Variants in CDH18 observed in about 807,000 individuals in gnomAD.
CDH18 encodes cadherin-18.
In CDH18, 31 loss-of-function variants were observed where a neutral mutation model predicts 67.9. The observed-to-expected ratio is 0.46, with a 90% CI of 0.34 to 0.62. The LOEUF is 0.62. CDH18 is among the 20% of genes least tolerant of loss of function. The pLI, the probability that CDH18 is intolerant of heterozygous loss-of-function variation, is 0.01. For synonymous variants in CDH18, 362 were observed against 347.2 expected (o/e 1.04, Z -0.48); for missense variants, 890 against 975.5 (o/e 0.91, Z 1.17).
chr5:19,971,772 T>C (rs1219740555), intron 2 of CDH18, among the ~76,000 whole-genome samples: 1 of 151,448 alleles, frequency 6.6e-6, no homozygotes, highest in African/African-American at 2.4e-5. Context: ...GGTGATGAAA[T>C]AATTGGTACA....
chr5:19,788,815 G>A (rs1415415359), intron 3 of CDH18, among the ~76,000 whole-genome samples: 1 of 152,158 alleles, frequency 6.6e-6, no homozygotes, highest in East Asian at 1.9e-4. Context: ...GTTGTTAAAG[G>A]AGGTTTGAAC....
chr5:20,323,250 A>G (rs1477756968), intron 1 of CDH18, among the ~76,000 whole-genome samples: 1 of 152,168 alleles, frequency 6.6e-6, no homozygotes, highest in African/African-American at 2.4e-5. Context: ...TAAGTACATT[A>G]TACTAATATT....
intron 2 of CDH18, among the ~76,000 whole-genome samples, chr5:20,203,560 G>T (rs981677154): frequency 2.0e-4 from 29 of 142,270 alleles, no homozygotes; most frequent in African/African-American, 7.8e-4. Flanking sequence ...CAAAAAGGAG[G>T]CAGTGACCTA....
At chr5:20,130,750 C>T (rs1481880901) in intron 2 of CDH18, among the ~76,000 whole-genome samples, 1 of 151,946 alleles carries the variant, frequency 6.6e-6, no homozygotes, top group East Asian at 1.9e-4. Flanking sequence ...ACCTCAATTT[C>T]TTCCTTTTAA....
At chr5:20,259,188 A>G (rs1009574978) in intron 1 of CDH18, among the ~76,000 whole-genome samples, 1 of 152,150 alleles carries the variant, frequency 6.6e-6, no homozygotes, top group African/African-American at 2.4e-5. Context: ...TGGATTTTGA[A>G]GATGCTCAGG....
chr5:20,558,985 GAACA>G (rs1477396905), intron 1 of CDH18, among the ~76,000 whole-genome samples: 1 of 150,998 alleles, frequency 6.6e-6, no homozygotes, highest in Non-Finnish European at 1.5e-5. Flanking sequence ...TGCAGGCACT[GAACA>G]AACACTTGTT....
chr5:20,395,755 T>A (rs1745228476), intron 1 of CDH18, among the ~76,000 whole-genome samples: 1 of 152,140 alleles, frequency 6.6e-6, no homozygotes, highest in African/African-American at 2.4e-5. Flanking sequence ...TGTGAGCTGC[T>A]TGCCAGGGAA....
intron 2 of CDH18, among the ~76,000 whole-genome samples, chr5:20,119,812 C>T (rs1469788059): frequency 2.0e-5 from 3 of 151,968 alleles, no homozygotes; most frequent in Non-Finnish European, 2.9e-5. Context: ...GGAAAAACAT[C>T]TAGTGAGATT....
chr5:19,706,576 C>A (rs1198369066), intron 5 of CDH18, among the ~76,000 whole-genome samples: 1 of 152,144 alleles, frequency 6.6e-6, no homozygotes, highest in East Asian at 1.9e-4. Context: ...TGTGTGGACA[C>A]CTTTTCTCAC....
chr5:19,473,246 C>CTAT lies in CDH18; in HGVS notation c.2350_2352dup (p.Ile784dup), dbSNP rs1251498378. 6.2e-7 allele frequency: 1 copy of CTAT among 1,613,296 alleles called. No homozygotes were observed. Among genetic ancestry groups the CTAT allele is most frequent in the East Asian group, 2.2e-5 (1 of 44,856 alleles). ...ACCCCCTAAGTTGTTCTTTCAGATT[C>CTAT]TATTTCTCCATAGAGTTCAGCTAAC... On this transcript the variant is annotated inframe_insertion, in exon 13 of 13. Coordinates refer to ENST00000382275, the MANE Select transcript of CDH18 (RefSeq NM_004934.5).
intron 2 of CDH18, among the ~76,000 whole-genome samples, chr5:19,898,656 TAAG>T (rs1376515391): frequency 1.3e-5 from 2 of 152,138 alleles, no homozygotes; most frequent in African/African-American, 2.4e-5. Flanking sequence ...ATGTGGAAAA[TAAG>T]AAATCATTAC....
chr5:19,742,723 A>T (rs1262350211), intron 4 of CDH18, among the ~76,000 whole-genome samples: 3 of 151,372 alleles, frequency 2.0e-5, no homozygotes, highest in African/African-American at 7.4e-5. Context: ...CTCAGCACAT[A>T]AAGTGCATTT....
chr5:20,400,715 T>C (rs1197994179), intron 1 of CDH18, among the ~76,000 whole-genome samples: 1 of 152,030 alleles, frequency 6.6e-6, no homozygotes, highest in African/African-American at 2.4e-5. Flanking sequence ...TGAACAGAGA[T>C]GGTGCCACTG....
At chr5:20,011,225 A>G (rs1369480368) in intron 2 of CDH18, among the ~76,000 whole-genome samples, 1 of 152,100 alleles carries the variant, frequency 6.6e-6, no homozygotes, top group Admixed American at 6.6e-5. Context: ...GCAATTGTGA[A>G]TGGGAATTCA....
intron 1 of CDH18, among the ~76,000 whole-genome samples, chr5:20,514,239 TTC>T (rs1755222786): frequency 6.6e-6 from 1 of 152,158 alleles, no homozygotes; most frequent in African/African-American, 2.4e-5. Flanking sequence ...ACCAATGTAT[TTC>T]TTTCTCTAAA....
chr5:20,543,960 T>C (rs1260266368), intron 1 of CDH18, among the ~76,000 whole-genome samples: 1 of 152,176 alleles, frequency 6.6e-6, no homozygotes, highest in Non-Finnish European at 1.5e-5. Flanking sequence ...TTTCTGTAAA[T>C]CTTCAAGGAA....
intron 1 of CDH18, among the ~76,000 whole-genome samples, chr5:20,282,476 T>A (rs1250728828): frequency 6.6e-6 from 1 of 152,204 alleles, no homozygotes; most frequent in Non-Finnish European, 1.5e-5. Context: ...GATAATCATA[T>A]GGTTTTTCTC....
Position 20,172,230 on chromosome 5 carries a change from A to ATATATACG in CDH18, c.-518+83213_-518+83214insCGTATATA, listed in dbSNP as rs1554098797. Among the ~76,000 whole-genome samples the ATATATACG allele has an allele frequency of 1.1e-3, 109 of 96,652 alleles. 6 individuals carry two copies. Among genetic ancestry groups the ATATATACG allele is most frequent in the East Asian group, 5.0e-3 (18 of 3,620 alleles). 63.4% of individuals were successfully genotyped at this position (96,652 alleles called of 152,430 possible). ...TATATATATATATATATATGTATAT[A>ATATATACG]TATATATATGTATATATATATATAT... On this transcript the variant is annotated intron_variant, in intron 2 of 14. Coordinates refer to the CDH18 transcript ENST00000507958.
chr5:19,691,519 G>A (rs566170354), intron 5 of CDH18, among the ~76,000 whole-genome samples: 9 of 151,706 alleles, frequency 5.9e-5, no homozygotes, highest in African/African-American at 1.7e-4. Context: ...AAACACTTAG[G>A]CCAGATTAAA....
Sources: allele counts gnomAD v4.1 joint callset (sites outside exome capture counted in the v4.1 genomes callset), GRCh38; gene constraint gnomAD v4.1.1; transcripts MANE v1.5; gene names NCBI Gene and HGNC (gene_info 2026-07-23, HGNC 2026-07-21).